TSPAN18: variants seen among roughly 807,000 people sequenced by gnomAD.
The protein encoded by TSPAN18 is tetraspanin-18.
TSPAN18 carries 14 observed loss-of-function variants against 27.3 expected under a neutral mutation model. That is an observed-to-expected ratio of 0.51 (90% CI 0.34 to 0.80). The LOEUF is 0.80. Ranked by LOEUF, TSPAN18 falls within the 30% of genes least tolerant of loss-of-function variation. TSPAN18 has a pLI of 0.01. For missense variants in TSPAN18, 268 were observed against 323.9 expected (o/e 0.83, Z 1.32); for synonymous variants, 143 against 136.5 (o/e 1.05, Z -0.33).
At chr11:44,867,077 C>T (rs1373324805) in intron 3 of TSPAN18, among the ~76,000 whole-genome samples, 2 of 152,186 alleles carry the variant, frequency 1.3e-5, no homozygotes, top group Non-Finnish European at 2.9e-5. Context: ...CCTCAAGTTG[C>T]TCAGGGTTTA....
chr11:44,730,771 G>A (rs1056128911), intron 1 of TSPAN18, among the ~76,000 whole-genome samples: 4 of 152,010 alleles, frequency 2.6e-5, no homozygotes, highest in African/African-American at 9.7e-5. Context: ...TTACAGGTGT[G>A]TGCCACCACA....
At chr11:44,793,696 G>C (rs1455798112) in intron 2 of TSPAN18, among the ~76,000 whole-genome samples, 2 of 152,162 alleles carry the variant, frequency 1.3e-5, no homozygotes, top group African/African-American at 4.8e-5. Flanking sequence ...GCCAGGCACT[G>C]GGCGACCCCA....
intron 3 of TSPAN18, among the ~76,000 whole-genome samples, chr11:44,878,307 C>A (rs12288033): frequency 0.029 from 4,488 of 152,232 alleles, 225 homozygotes; most frequent in African/African-American, 0.1. Flanking sequence ...GGGCGCCGCC[C>A]CAGGAGGGAA....
chr11:44,910,453 G>A (rs1051184175), intron 5 of TSPAN18, among the ~76,000 whole-genome samples: 6 of 152,372 alleles, frequency 3.9e-5, no homozygotes, highest in Middle Eastern at 3.4e-3. Context: ...CCTGCAGTGG[G>A]TGAGCTGGCC....
chr11:44,833,495 T>C (rs575558228), intron 2 of TSPAN18, among the ~76,000 whole-genome samples: 1 of 152,316 alleles, frequency 6.6e-6, no homozygotes, highest in African/African-American at 2.4e-5. Context: ...CTTCCTGTTA[T>C]CACCAAATGA....
chr11:44,917,793 C>G lies in TSPAN18; in HGVS notation c.259-179C>G, dbSNP rs938523717. 4.9e-6 allele frequency: 3 copies of G among 607,976 alleles called. No individual in the cohort carries two copies. In the African/African-American group the frequency reaches 5.5e-5, roughly 11 times the overall value. 37.7% of individuals were successfully genotyped at this position (607,976 alleles called of 1,614,324 possible). On this transcript the variant is annotated intron_variant, in intron 5 of 9. Transcript: ENST00000520358. ...TATTTTGATCTCAATCCTGTTGACT[C>G]CAAGGAGGAATCACTGGTGTGTTTG...
chr11:44,823,475 T>TTC (rs144754818), intron 2 of TSPAN18, among the ~76,000 whole-genome samples: 6,269 of 152,118 alleles, frequency 0.041, 189 homozygotes, highest in African/African-American at 0.074. Context: ...GCATGCCAAT[T>TTC]GATTTAGGAG....
chr11:44,885,060 C>G (rs1013097027), intron 3 of TSPAN18, among the ~76,000 whole-genome samples: 3 of 152,310 alleles, frequency 2.0e-5, no homozygotes, highest in African/African-American at 7.2e-5. Flanking sequence ...TTTTCTCAAC[C>G]CAAAGGAGAT....
chr11:44,755,414 A>T (rs1301306279), intron 1 of TSPAN18, among the ~76,000 whole-genome samples: 1 of 152,066 alleles, frequency 6.6e-6, no homozygotes, highest in Non-Finnish European at 1.5e-5. Flanking sequence ...GCCCAGTGAC[A>T]GGACGAGCAG....
chr11:44,784,606 C>T (rs779906794), intron 2 of TSPAN18, among the ~76,000 whole-genome samples: 17 of 152,156 alleles, frequency 1.1e-4, no homozygotes, highest in Non-Finnish European at 2.1e-4. Flanking sequence ...GTTCACTGTC[C>T]GTCTCCATCC....
chr11:44,825,819 T>A (rs1388478633), intron 2 of TSPAN18, among the ~76,000 whole-genome samples: 1 of 151,966 alleles, frequency 6.6e-6, no homozygotes, highest in African/African-American at 2.4e-5. Context: ...GGTGGGCTTG[T>A]TTCTCCATGA....
chr11:44,755,156 C>G (rs897940868), intron 1 of TSPAN18, among the ~76,000 whole-genome samples: 2 of 152,182 alleles, frequency 1.3e-5, no homozygotes, highest in Non-Finnish European at 2.9e-5. Flanking sequence ...CCCTCCTCAT[C>G]CCACCAAGAG....
At chr11:44,874,484 A>G (rs1259475655) in intron 3 of TSPAN18, among the ~76,000 whole-genome samples, 1 of 152,222 alleles carries the variant, frequency 6.6e-6, no homozygotes, top group African/African-American at 2.4e-5. Flanking sequence ...CCCATTTTAC[A>G]GACAAGCAAA....
intron 3 of TSPAN18, among the ~76,000 whole-genome samples, chr11:44,872,713 A>G (rs1401643214): frequency 6.6e-6 from 1 of 152,244 alleles, no homozygotes; most frequent in African/African-American, 2.4e-5. Flanking sequence ...TACTCTTAGT[A>G]TCCTTATTAT....
intron 8 of TSPAN18, among the ~76,000 whole-genome samples, chr11:44,924,100 T>TGTGC (rs144667328): frequency 6.0e-5 from 2 of 33,174 alleles, no homozygotes; most frequent in African/African-American, 1.0e-4. Flanking sequence ...TCTGGGGTTG[T>TGTGC]GTGTGTGTGT....
At chr11:44,779,656 C>G (rs1027002141) in intron 2 of TSPAN18, among the ~76,000 whole-genome samples, 1 of 152,094 alleles carries the variant, frequency 6.6e-6, no homozygotes, top group Non-Finnish European at 1.5e-5. Flanking sequence ...ACACAACTAC[C>G]CACATACCTG....
chr11:44,904,315 T>TG (rs1859376908), intron 3 of TSPAN18, among the ~76,000 whole-genome samples: 1 of 152,186 alleles, frequency 6.6e-6, no homozygotes, highest in Non-Finnish European at 1.5e-5. Flanking sequence ...CAAGTTGCAA[T>TG]AGGGACCAGT....
intron 8 of TSPAN18, among the ~76,000 whole-genome samples, chr11:44,923,073 T>C (rs10838389): frequency 0.34 from 51,207 of 151,950 alleles, 10,560 homozygotes; most frequent in African/African-American, 0.59. Context: ...CATGCCACTG[T>C]GCTTCAGCCT....
intron 2 of TSPAN18, among the ~76,000 whole-genome samples, chr11:44,781,349 T>G (rs544396789): frequency 6.6e-6 from 1 of 152,282 alleles, no homozygotes; most frequent in African/African-American, 2.4e-5. Context: ...GGGGAAACCA[T>G]GAGGTGGCTA....
Sources: gnomAD v4.1 joint callset for allele counts (sites outside exome capture counted in the v4.1 genomes callset) on GRCh38, gnomAD v4.1.1 for gene constraint, MANE v1.5 for transcripts, NCBI Gene and HGNC (gene_info 2026-07-23, HGNC 2026-07-21) for gene names.